HPCAL1: variants seen among roughly 807,000 people sequenced by gnomAD.
HPCAL1 encodes the protein hippocalcin-like protein 1.
In HPCAL1, 8 loss-of-function variants were observed where a neutral mutation model predicts 17.1. The observed-to-expected ratio is 0.47, with a 90% CI of 0.27 to 0.84. The LOEUF (loss-of-function observed/expected upper bound fraction) is 0.84, where lower values mean the gene tolerates loss of function less well. HPCAL1 is among the 40% of genes least tolerant of loss of function. The pLI is 0.13. For missense variants in HPCAL1, 165 were observed against 271.1 expected (o/e 0.61, Z 2.75); for synonymous variants, 112 against 111.4 (o/e 1.01, Z -0.03).
chr2:10,404,369 A>T (rs1669841323), intron 2 of HPCAL1, among the ~76,000 whole-genome samples: 1 of 152,040 alleles, frequency 6.6e-6, no homozygotes, highest in Admixed American at 6.5e-5. Context: ...TTGCTGGGTG[A>T]GTGTTTCCCC....
At chr2:10,338,744 G>A (rs1007815192) in intron 1 of HPCAL1, among the ~76,000 whole-genome samples, 6 of 152,194 alleles carry the variant, frequency 3.9e-5, no homozygotes, top group Admixed American at 3.9e-4. Context: ...CATGGATTCC[G>A]TAGAGCTTTG....
chr2:10,360,343 A>C (rs1666443647), intron 1 of HPCAL1, among the ~76,000 whole-genome samples: 1 of 152,192 alleles, frequency 6.6e-6, no homozygotes, highest in South Asian at 2.1e-4. Flanking sequence ...GAATGAGCTC[A>C]AATACGGAAG....
At chr2:10,366,182 G>A (rs1487900184) in intron 1 of HPCAL1, among the ~76,000 whole-genome samples, 2 of 152,208 alleles carry the variant, frequency 1.3e-5, no homozygotes, top group East Asian at 1.9e-4. Context: ...GTCAGTGGGT[G>A]TGTCTTTGGG....
intron 1 of HPCAL1, among the ~76,000 whole-genome samples, chr2:10,376,620 A>G (rs1309383976): frequency 6.6e-6 from 1 of 151,968 alleles, no homozygotes; most frequent in Non-Finnish European, 1.5e-5. Context: ...ATTTTTTAGT[A>G]GAGATGGGGC....
intron 1 of HPCAL1, among the ~76,000 whole-genome samples, chr2:10,366,078 C>T (rs1006928491): frequency 6.6e-6 from 1 of 152,168 alleles, no homozygotes; most frequent in Non-Finnish European, 1.5e-5. Flanking sequence ...GCCGCTGCCT[C>T]CCTCCTGGAC....
At chr2:10,336,107 C>G (rs1305508847) in intron 1 of HPCAL1, among the ~76,000 whole-genome samples, 1,273 of 118,676 alleles carry the variant, frequency 0.011, 84 homozygotes, top group African/African-American at 0.021. Context: ...GTATCTTCTG[C>G]TGTAAATTAA....
In HPCAL1 at chr2:10,323,354, C is replaced by A. The variant is rs972937137; in HGVS notation, c.-111+20177C>A. On this transcript the variant is annotated intron_variant, in intron 1 of 4. Coordinates refer to ENST00000307845, the MANE Select transcript of HPCAL1 (RefSeq NM_002149.4). This position sits in a 1 kb window ranked among gnomAD's most constrained non-coding sequence, Gnocchi z 4.6. ...TTAGAGCACCTTTCAGGGGGAATGG[C>A]GTAAAAAAGCCTTCCTTTCCAGTAG... is the stretch of plus-strand genomic sequence containing the variant. Among the ~76,000 whole-genome samples, 1 of 152,198 alleles carries A rather than the reference C, an allele frequency of 6.6e-6. No homozygotes were observed. The highest frequency in any genetic ancestry group is 1.5e-5 in the Non-Finnish European group (1 of 68,018).
At chr2:10,360,426 T>C (rs890007193) in intron 1 of HPCAL1, among the ~76,000 whole-genome samples, 5 of 152,076 alleles carry the variant, frequency 3.3e-5, no homozygotes, top group Non-Finnish European at 5.9e-5. Context: ...TCTTTTTTTT[T>C]TTTGAGATGG....
intron 1 of HPCAL1, among the ~76,000 whole-genome samples, chr2:10,318,548 C>T (rs548025836): frequency 1.2e-4 from 19 of 152,286 alleles, no homozygotes; most frequent in Admixed American, 5.2e-4. Flanking sequence ...ATGACCGCTC[C>T]GGACATTGGC....
chr2:10,310,089 CAG>C lies in HPCAL1; in HGVS notation c.-111+6914_-111+6915del, dbSNP rs1169235043. ...GTCTCTGAATCTGTTTGCTCAGGTG[CAG>C]AAAGGGGTTTTAGGCTGAGCTCAGA... is the stretch of plus-strand genomic sequence containing the variant. On this transcript the variant is annotated intron_variant, in intron 1 of 4. Transcript: ENST00000307845. The surrounding 1 kb of genome is among the most constrained non-coding windows in gnomAD (Gnocchi z 4.5). 6.6e-6 allele frequency among the ~76,000 whole-genome samples: 1 copy of C among 152,100 alleles called. No individual in the cohort carries two copies. The highest frequency in any genetic ancestry group is 1.9e-4 in the East Asian group (1 of 5,188).
At chr2:10,316,015 A>C (rs1186998356) in intron 1 of HPCAL1, among the ~76,000 whole-genome samples, 2 of 152,216 alleles carry the variant, frequency 1.3e-5, no homozygotes, top group Non-Finnish European at 2.9e-5. Context: ...TCAAAAAAAA[A>C]CAACATCCAG....
In HPCAL1 at chr2:10,377,972, A is replaced by T. The variant is rs1260575463; in HGVS notation, c.-110-18863A>T. On this transcript the variant is annotated intron_variant, in intron 1 of 4. Coordinates refer to ENST00000307845, the MANE Select transcript of HPCAL1 (RefSeq NM_002149.4). The surrounding 1 kb of genome is among the most constrained non-coding windows in gnomAD (Gnocchi z 5.9). ...ACGGGTGAGGCGGGGAGGCGTTTCG[A>T]CTTTGGACTGAAGGCCTTAATTGAC... 6.6e-6 allele frequency among the ~76,000 whole-genome samples: 1 copy of T among 152,116 alleles called. No individual in the cohort carries two copies. The highest frequency in any genetic ancestry group is 1.5e-5 in the Non-Finnish European group (1 of 68,010).
intron 3 of HPCAL1, among the ~76,000 whole-genome samples, chr2:10,420,800 G>A (rs955330083): frequency 2.2e-4 from 34 of 151,770 alleles, no homozygotes; most frequent in African/African-American, 6.8e-4. Flanking sequence ...TCACTTTGTC[G>A]CCCAGGCTGG....
Position 10,419,942 on chromosome 2 carries a change from C to G in HPCAL1, c.185C>G (p.Ser62Cys). 2 of 1,614,006 alleles carry G rather than the reference C, an allele frequency of 1.2e-6. No homozygotes were observed. The highest frequency in any genetic ancestry group is 1.7e-6 in the Non-Finnish European group (2 of 1,180,030). The change falls in exon 3 of 5, where the codon TCC becomes TGC. Residue 62 changes from serine to cysteine, a missense_variant. Physicochemically the swap from Ser to Cys is moderately radical, Grantham distance 112. Coordinates refer to ENST00000307845, the MANE Select transcript of HPCAL1 (RefSeq NM_002149.4). This position sits in a 1 kb window ranked among gnomAD's most constrained non-coding sequence, Gnocchi z 5.0. Reference protein sequence around the residue: ...YANFFPYGDASKFAEHVFRTF... With the variant: ...YANFFPYGDACKFAEHVFRTF... Reference sequence around the variant, plus strand: ...AACTTCTTCCCCTACGGCGACGCTTCCAAGTTCGCCGAGCACGTCTTCCGC... The same window carrying G: ...AACTTCTTCCCCTACGGCGACGCTTGCAAGTTCGCCGAGCACGTCTTCCGC...
chr2:10,399,248 C>T, intron 2 of HPCAL1, among the ~76,000 whole-genome samples: 2 of 145,902 alleles, frequency 1.4e-5, no homozygotes, highest in Non-Finnish European at 1.5e-5. Context: ...CCATCACCAC[C>T]ACCACCACCA....
intron 1 of HPCAL1, among the ~76,000 whole-genome samples, chr2:10,332,575 A>C (rs147247111): frequency 2.2e-3 from 339 of 152,248 alleles, no homozygotes; most frequent in African/African-American, 7.4e-3. Flanking sequence ...CTTGGAGGAA[A>C]ATAAGAGTCA....
chr2:10,386,499 C>A (rs111286197), intron 1 of HPCAL1, among the ~76,000 whole-genome samples: 83 of 152,198 alleles, frequency 5.5e-4, no homozygotes, highest in African/African-American at 1.4e-3. Flanking sequence ...GACCCCCCCC[C>A]AGGTTACAGG....
In HPCAL1 at chr2:10,423,098, G is replaced by C. The variant is rs1671169244; in HGVS notation, c.484+10G>C. On this transcript the variant is annotated intron_variant, in intron 4 of 4. Coordinates refer to ENST00000307845, the MANE Select transcript of HPCAL1 (RefSeq NM_002149.4). ...GACACCAACAATGACGGTAGTGCGG[G>C]GTGGGGGCGGGGCTGCATGTGTACG... 6.3e-7 allele frequency: 1 copy of C among 1,590,442 alleles called. No individual in the cohort carries two copies.
chr2:10,322,780 A>T (rs1360584996), intron 1 of HPCAL1, among the ~76,000 whole-genome samples: 1 of 152,138 alleles, frequency 6.6e-6, no homozygotes, highest in Non-Finnish European at 1.5e-5. Flanking sequence ...TACCGCCTGA[A>T]CCTTGGATCT....
Sources: gnomAD v4.1 joint callset for allele counts (sites outside exome capture counted in the v4.1 genomes callset) on GRCh38, gnomAD v4.1.1 for gene constraint, Gnocchi (gnomAD v3.1) non-coding constraint, MANE v1.5 for transcripts, NCBI Gene and HGNC (gene_info 2026-07-23, HGNC 2026-07-21) for gene names.